The following MTMR4 variants were observed in gnomAD, a reference collection of about 807,000 sequenced individuals.
MTMR4 encodes the protein myotubularin related protein 4, also known as phosphatidylinositol-3,5-bisphosphate 3-phosphatase MTMR4.
MTMR4 carries 30 observed loss-of-function variants against 125.5 expected under a neutral mutation model. That is an observed-to-expected ratio of 0.24 (90% CI 0.18 to 0.32). The LOEUF is 0.32. Ranked by LOEUF, MTMR4 falls within the 10% of genes least tolerant of loss-of-function variation. The pLI is 1.00. For missense variants in MTMR4, 1,039 were observed against 1,511.5 expected (o/e 0.69, Z 5.18); for synonymous variants, 498 against 564.5 (o/e 0.88, Z 1.67).
upstream of MTMR4, chr17:58,516,663 A>G (rs1392876380): frequency 6.5e-7 from 1 of 1,538,994 alleles, no homozygotes; most frequent in Non-Finnish European, 9.0e-7. Context: ...CCCCATTAAC[A>G]TTACCATAGA....
At chr17:58,491,876 A>G (rs1261216038) in intron 17 of MTMR4, 36 bp from the exon 18 acceptor site, 3 of 1,600,026 alleles carry the variant, frequency 1.9e-6, no homozygotes, top group Admixed American at 3.4e-5. Flanking sequence ...TTCATCAGAA[A>G]TGCCAATATA....
chr17:58,506,549 T>C (rs751576071), intron 9 of MTMR4, among the ~76,000 whole-genome samples, 194 bp downstream of exon 9: 12 of 152,226 alleles, frequency 7.9e-5, no homozygotes, highest in Non-Finnish European at 5.9e-5. Context: ...CCCCTTCTTA[T>C]AGAAGAGAAA....
chr17:58,508,416 A>C lies in MTMR4; in HGVS notation c.593+52T>G. The C allele has an allele frequency of 1.9e-6, 3 of 1,597,700 alleles. No individual in the cohort carries two copies. Among genetic ancestry groups the C allele is most frequent in the Non-Finnish European group, 2.6e-6 (3 of 1,165,128 alleles). Reference sequence around the variant, plus strand: ...AAGCTGTGCCCACCACACTTTATCCAAACACGGAAGTAGTTTGGTGTGGAA... The same window carrying C: ...AAGCTGTGCCCACCACACTTTATCCCAACACGGAAGTAGTTTGGTGTGGAA... On this transcript the variant is annotated intron_variant, in intron 6 of 17. Coordinates refer to ENST00000682306, the MANE Select transcript of MTMR4 (RefSeq NM_001378067.1). The surrounding 1 kb of genome is among the most constrained non-coding windows in gnomAD (Gnocchi z 4.8).
intron 14 of MTMR4, 56 bp downstream of exon 14, chr17:58,503,688 A>C (rs1975701057): frequency 6.5e-7 from 1 of 1,539,022 alleles, no homozygotes; most frequent in South Asian, 1.2e-5. Flanking sequence ...ATGAGATGGG[A>C]AACAGTTACT....
chr17:58,508,510 A>G lies in MTMR4; in HGVS notation c.551T>C (p.Leu184Pro). The G allele has an allele frequency of 6.2e-7, 1 of 1,614,230 alleles. No individual in the cohort carries two copies. ...EAELARMGFD[L>P]QNVWRVSHIN... ...GTGTGAGACTCTCCAGACGTTCTGC[A>G]GGTCAAAGCCCATCCTTGCAAGCTC... Residue 184 changes from leucine (L) to proline (P), a missense_variant, in exon 6 of 18, where the codon CTG (leucine) becomes CCG (proline). Physicochemically the swap from Leu to Pro is moderately conservative, Grantham distance 98. This residue lies in a region of MTMR4 where 202 missense variants were observed against 311.9 expected (regional missense o/e 0.65). Transcript: ENST00000682306. The surrounding 1 kb of genome is among the most constrained non-coding windows in gnomAD (Gnocchi z 4.8).
chr17:58,518,528 T>C (rs1012145897), upstream of MTMR4, among the ~76,000 whole-genome samples: 3 of 152,176 alleles, frequency 2.0e-5, no homozygotes, highest in Non-Finnish European at 4.4e-5. Context: ...AACACTCACT[T>C]TGTATCGATA....
rs8064301 is a variant in MTMR4 at position 58,497,322 on chromosome 17, C to T, written c.1854-992G>A. Among the ~76,000 whole-genome samples, 1,357 of 152,050 alleles carry T rather than the reference C, an allele frequency of 8.9e-3. 23 individuals are homozygous for T. The highest frequency in any genetic ancestry group is 0.03 in the African/African-American group (1,248 of 41,456). ...TACATACTTGATATACCTTTTGTGACGAATTTTGATTTTTTTAATGGTACG... is the reference window on the plus strand; with the variant it reads ...TACATACTTGATATACCTTTTGTGATGAATTTTGATTTTTTTAATGGTACG... On this transcript the variant is annotated intron_variant, in intron 14 of 17. Coordinates refer to ENST00000682306, the MANE Select transcript of MTMR4 (RefSeq NM_001378067.1).
chr17:58,500,747 CAAAAAAA>C (rs60355286), intron 14 of MTMR4, among the ~76,000 whole-genome samples: 1 of 92,206 alleles, frequency 1.1e-5, no homozygotes, highest in Non-Finnish European at 2.1e-5. Flanking sequence ...GATTCTGTCT[CAAAAAAA>C]AAAAAAAAAA....
At position 58,490,382 on chromosome 17, in the gene MTMR4, C is replaced by T. The variant is rs887908389; in HGVS notation, c.*1281G>A. The T allele has an allele frequency of 1.3e-5, 2 of 152,400 alleles. No homozygotes were observed. Among genetic ancestry groups the T allele is most frequent in the African/African-American group, 2.4e-5 (1 of 41,330 alleles). The allele number at this position is 152,400 out of a possible 1,614,324, so 9.4% of individuals were successfully genotyped here. A position where few individuals can be genotyped will look rare whatever the true frequency, so the allele number is the denominator to read the frequency against. Reference sequence around the variant, plus strand: ...TATCACTGTATCTTTTGGTTAAGTGCCACTGGTACATATTAAGATGAAAAA... The same window carrying T: ...TATCACTGTATCTTTTGGTTAAGTGTCACTGGTACATATTAAGATGAAAAA... On this transcript the variant is annotated 3_prime_UTR_variant, in exon 18 of 18. Transcript: ENST00000682306.
rs759427112 is a variant in MTMR4, at chr17:58,507,182, G to C, written c.845C>G (p.Thr282Ser). ...ACALDPGTRA[T>S]GGSLSTGNND... Reference sequence around the variant, plus strand: ...ATTCCCGGTGCTGAGGGAGCCCCCAGTGGCCCTTGTCCCCGGGTCCAGGGC... The same window carrying C: ...ATTCCCGGTGCTGAGGGAGCCCCCACTGGCCCTTGTCCCCGGGTCCAGGGC... The change falls in exon 8 of 18, where the codon ACT becomes AGT. Residue 282 changes from threonine to serine, a missense_variant. Physicochemically the swap from Thr to Ser is moderately conservative, Grantham distance 58. Around this residue, in one of 6 missense-constraint regions of MTMR4, gnomAD observed 49 missense variants for 68.4 expected, o/e 0.72. Transcript: ENST00000682306. 6.2e-7 allele frequency: 1 copy of C among 1,614,184 alleles called. No individual in the cohort carries two copies. The highest frequency in any genetic ancestry group is 8.5e-7 in the Non-Finnish European group (1 of 1,180,028).
In MTMR4 at chr17:58,492,546, A is replaced by G; in HGVS notation, c.3417T>C (p.Cys1139=). 6.2e-7 allele frequency: 1 copy of G among 1,614,082 alleles called. No individual in the cohort carries two copies. The change falls in exon 17 of 18, where the codon TGT becomes TGC. Residue 1139 remains cysteine, a synonymous_variant. Coordinates refer to ENST00000682306, the MANE Select transcript of MTMR4 (RefSeq NM_001378067.1). The stretch of plus-strand genomic sequence containing the variant: ...GTCTTCGTTTGGCCAACCAGAATTC[A>G]CAGTCACAGTTATAGCAGTGTGATG... ...HMASHCYNCD[C]EFWLAKRRHH...
intron 1 of MTMR4, 60 bp from the exon 2 acceptor site, chr17:58,513,001 G>T: frequency 3.3e-6 from 4 of 1,228,522 alleles, no homozygotes; most frequent in Non-Finnish European, 4.8e-6. Context: ...GGCTCATTCT[G>T]CTCCTCTCCC....
upstream of MTMR4, among the ~76,000 whole-genome samples, chr17:58,517,666 G>T (rs566600643): frequency 9.8e-5 from 15 of 152,378 alleles, no homozygotes; most frequent in South Asian, 3.1e-3. Flanking sequence ...CAGGTGCCCA[G>T]GTTCTAGGGG....
Position 58,508,050 on chromosome 17 carries a change from C to A in MTMR4, c.707+111G>T. 1.4e-6 allele frequency: 1 copy of A among 723,414 alleles called. No individual in the cohort carries two copies. Among genetic ancestry groups the A allele is most frequent in the Non-Finnish European group, 2.4e-6 (1 of 423,800 alleles). The allele number at this position is 723,414 out of a possible 1,614,324, so 44.8% of individuals were successfully genotyped here. On this transcript the variant is annotated intron_variant, in intron 7 of 17. Transcript: ENST00000682306. The surrounding 1 kb of genome is among the most constrained non-coding windows in gnomAD (Gnocchi z 4.8). ...TTTGTTTTAAAGTTATTTCATACTT[C>A]CCCATAGAGTGTCAATTCTCAGTCA...
intron 14 of MTMR4, among the ~76,000 whole-genome samples, chr17:58,502,045 C>A (rs1013146660): frequency 1.3e-5 from 2 of 149,422 alleles, no homozygotes; most frequent in Non-Finnish European, 1.5e-5. Flanking sequence ...GGCAACAGAG[C>A]GAAACTCTGT....
Position 58,504,665 on chromosome 17 carries a change from A to G in MTMR4, c.1341+114T>C. 1 of 1,400,796 alleles carries G rather than the reference A, an allele frequency of 7.1e-7. No homozygotes were observed. Among genetic ancestry groups the G allele is most frequent in the African/African-American group, 1.4e-5 (1 of 69,330 alleles). 86.8% of individuals were successfully genotyped at this position (1,400,796 alleles called of 1,614,324 possible). The stretch of plus-strand genomic sequence containing the variant: ...CTTTGGGAGTTGGAAAAAAAAAGAA[A>G]AAAAGAGCCACCAATGTCCTCTACT... On this transcript the variant is annotated intron_variant, in intron 11 of 17. Transcript: ENST00000682306. This position sits in a 1 kb window ranked among gnomAD's most constrained non-coding sequence, Gnocchi z 7.1.
chr17:58,498,604 C>G (rs1189769633), intron 14 of MTMR4, among the ~76,000 whole-genome samples: 1 of 148,250 alleles, frequency 6.7e-6, no homozygotes, highest in Non-Finnish European at 1.5e-5. Context: ...CATTTTTGAT[C>G]TAGGGAAAGG....
At chr17:58,513,762 T>G (rs1976001800) in intron 1 of MTMR4, among the ~76,000 whole-genome samples, 1 of 149,816 alleles carries the variant, frequency 6.7e-6, no homozygotes, top group African/African-American at 2.5e-5. Context: ...AGAGGACAGA[T>G]GGGGGAAGCT....
Position 58,503,821 on chromosome 17 carries a change from T to G in MTMR4, c.1776A>C (p.Thr592=). The change falls in exon 14 of 18, where the codon ACA becomes ACC. Residue 592 remains threonine, a synonymous_variant. Coordinates refer to ENST00000682306, the MANE Select transcript of MTMR4 (RefSeq NM_001378067.1). ...AAAGATCCATGTTTTCTTCCCCAAG[T>G]GTGCATGGAGATGATGCTGGCAGAT... The part of the protein sequence containing the change: ...AVYLPASSPC[T]LGEENMDLYL... 6.2e-7 allele frequency: 1 copy of G among 1,614,052 alleles called. No individual in the cohort carries two copies. Among genetic ancestry groups the G allele is most frequent in the Non-Finnish European group, 8.5e-7 (1 of 1,179,996 alleles).
Sources: allele counts gnomAD v4.1 joint callset (sites outside exome capture counted in the v4.1 genomes callset), GRCh38; gene constraint gnomAD v4.1.1; regional missense constraint gnomAD v4.1.1; non-coding constraint Gnocchi (gnomAD v3.1); transcripts MANE v1.5; gene names NCBI Gene and HGNC (gene_info 2026-07-23, HGNC 2026-07-21).